The following LAMTOR5 variants were observed in gnomAD, a reference collection of about 807,000 sequenced individuals.
The protein encoded by LAMTOR5 is ragulator complex protein LAMTOR5.
LAMTOR5 carries 8 observed loss-of-function variants against 12.1 expected under a neutral mutation model. The observed-to-expected ratio is 0.66, with a 90% CI of 0.39 to 1.19. The LOEUF is 1.19. LAMTOR5 is among the 50% of genes most tolerant of loss of function. LAMTOR5 has a pLI of 0.01. For missense variants in LAMTOR5, 110 were observed against 112.8 expected, an observed-to-expected ratio of 0.97 and a Z score of 0.11; for synonymous variants, 37 against 41.9, an observed-to-expected ratio of 0.88 and a Z score of 0.45.
intron 3 of LAMTOR5, among the ~76,000 whole-genome samples, chr1:110,402,923 G>T (rs189769691): frequency 2.0e-5 from 3 of 152,312 alleles, no homozygotes; most frequent in African/African-American, 7.2e-5. Context: ...AGTGTTGTAA[G>T]CTCCATTATG....
At chr1:110,403,733 G>C in intron 3 of LAMTOR5, 186 bp downstream of exon 3, 2 of 703,550 alleles carry the variant, frequency 2.8e-6, no homozygotes, top group Admixed American at 7.7e-5. Flanking sequence ...CATTTAAATA[G>C]CATTGTGGCC....
chr1:110,407,861 C>G (rs926581642), upstream of LAMTOR5: 11 of 1,612,666 alleles, frequency 6.8e-6, no homozygotes, highest in Non-Finnish European at 9.3e-6. Flanking sequence ...CTGCACCTGG[C>G]TCCATGGCGG....
chr1:110,402,821 G>A (rs570524927), intron 3 of LAMTOR5, among the ~76,000 whole-genome samples: 2 of 152,074 alleles, frequency 1.3e-5, no homozygotes, highest in Admixed American at 1.3e-4. Context: ...AAGTAAAAAA[G>A]TTTAAAAAAA....
At chr1:110,405,611 G>A (rs1663311847) in intron 2 of LAMTOR5, among the ~76,000 whole-genome samples, 1 of 152,132 alleles carries the variant, frequency 6.6e-6, no homozygotes, top group Non-Finnish European at 1.5e-5. Context: ...GATTACAGGC[G>A]TGAGACACTG....
intron 2 of LAMTOR5, among the ~76,000 whole-genome samples, chr1:110,405,137 G>GT (rs1663302906): frequency 6.6e-6 from 1 of 151,322 alleles, no homozygotes; most frequent in Non-Finnish European, 1.5e-5. Flanking sequence ...CCTCAGGCAA[G>GT]TTATTTAACC....
intron 1 of LAMTOR5, 37 bp from the exon 2 acceptor site, chr1:110,406,416 TG>T: frequency 6.8e-7 from 1 of 1,479,486 alleles, no homozygotes; most frequent in Non-Finnish European, 9.4e-7. Flanking sequence ...AAGTACATAA[TG>T]GGAGAAAAAG....
At chr1:110,406,940 G>A in intron 1 of LAMTOR5, 1 of 553,058 alleles carries the variant, frequency 1.8e-6, no homozygotes. Flanking sequence ...CACAAACACT[G>A]CGTGAAAAAC....
At position 110,401,511 on chromosome 1, in the gene LAMTOR5, C is replaced by A; in HGVS notation, c.*12G>T. On this transcript the variant is annotated 3_prime_UTR_variant, in exon 4 of 4. Coordinates refer to ENST00000602318, the MANE Select transcript of LAMTOR5 (RefSeq NM_001382293.1). ...GTTCCTATGACAGGCTGCTGAAGAA[C>A]AGATATGAGCATCAAGAGGCCATTT... 6.3e-7 allele frequency: 1 copy of A among 1,598,520 alleles called. No individual in the cohort carries two copies.
In LAMTOR5 at chr1:110,407,605, C is replaced by G; in HGVS notation, c.16G>C (p.Glu6Gln). The change falls in exon 1 of 4, where the codon GAG becomes CAG. Residue 6 changes from glutamate to glutamine, a missense_variant. By Grantham distance (29) the Glu-to-Gln change is conservative. Coordinates refer to ENST00000602318, the MANE Select transcript of LAMTOR5 (RefSeq NM_001382293.1). ...ACTCACGTGTCTTCCAAGTGCTGCT[C>G]CAAGGTCGCCTCCATCCCACCCACC... MEATL[E>Q]QHLEDTMKNP... The G allele has an allele frequency of 6.2e-7, 1 of 1,614,130 alleles. No individual in the cohort carries two copies. Among genetic ancestry groups the G allele is most frequent in the Non-Finnish European group, 8.5e-7 (1 of 1,180,020 alleles).
rs1291180333 is a variant in LAMTOR5, at chr1:110,401,653, G to A, written c.216-70C>T. 1.0e-5 allele frequency: 15 copies of A among 1,490,488 alleles called. No individual in the cohort carries two copies. In the South Asian group the frequency reaches 1.8e-4, roughly 18 times the overall value. 92.3% of individuals were successfully genotyped at this position (1,490,488 alleles called of 1,614,324 possible). Reference sequence around the variant, plus strand: ...ACTTCACTGCAAGATTAAAGATGTTGTTTGCTTTAGGATACAATATTTAAA... The same window carrying A: ...ACTTCACTGCAAGATTAAAGATGTTATTTGCTTTAGGATACAATATTTAAA... On this transcript the variant is annotated intron_variant, in intron 3 of 3. Coordinates refer to ENST00000602318, the MANE Select transcript of LAMTOR5 (RefSeq NM_001382293.1).
At chr1:110,407,306 T>A in intron 1 of LAMTOR5, 1 of 588,580 alleles carries the variant, frequency 1.7e-6, no homozygotes, top group Non-Finnish European at 3.0e-6. Context: ...ACCCTGACCG[T>A]AAAGACGATT....
At chr1:110,406,893 A>T (rs1663341831) in intron 1 of LAMTOR5, 1 of 442,788 alleles carries the variant, frequency 2.3e-6, no homozygotes, top group Admixed American at 4.1e-5. Flanking sequence ...CTGATGAGAG[A>T]AAAAAATGTG....
chr1:110,401,670 A>T, intron 3 of LAMTOR5, 87 bp from the exon 4 acceptor site: 2 of 1,335,972 alleles, frequency 1.5e-6, no homozygotes, highest in Non-Finnish European at 2.1e-6. Flanking sequence ...TTAGGATACA[A>T]TATTTAAAAT....
At chr1:110,407,824 T>TCC (rs1375140502), upstream of LAMTOR5, 5 of 1,613,690 alleles carry the variant, frequency 3.1e-6, no homozygotes, top group Non-Finnish European at 4.2e-6. Context: ...AGGCTTGGGC[T>TCC]CCCCGCGCGG....
chr1:110,402,452 G>C (rs1481018329), intron 3 of LAMTOR5, among the ~76,000 whole-genome samples: 1 of 152,054 alleles, frequency 6.6e-6, no homozygotes, highest in Non-Finnish European at 1.5e-5. Context: ...TCACCATGTT[G>C]GTTAGGCTGT....
chr1:110,407,657 C>A lies in LAMTOR5; in HGVS notation c.-37G>T. 1 of 1,614,148 alleles carries A rather than the reference C, an allele frequency of 6.2e-7. No homozygotes were observed. The highest frequency in any genetic ancestry group is 1.3e-5 in the African/African-American group (1 of 74,996). On this transcript the variant is annotated 5_prime_UTR_variant, in exon 1 of 4. Transcript: ENST00000602318. ...ACCACTCCGGCTCAGAACCCAGCGGCACGGCACGTCCTTCTCCACCACAGG... is the reference window on the plus strand; with the variant it reads ...ACCACTCCGGCTCAGAACCCAGCGGAACGGCACGTCCTTCTCCACCACAGG...
chr1:110,403,193 C>T (rs2101108750), intron 3 of LAMTOR5, among the ~76,000 whole-genome samples: 1 of 151,874 alleles, frequency 6.6e-6, no homozygotes, highest in South Asian at 2.1e-4. Context: ...TTAAGCAATG[C>T]ATGACTGTAT....
intron 1 of LAMTOR5, chr1:110,407,344 C>T (rs1663354180): frequency 5.0e-6 from 3 of 603,910 alleles, no homozygotes; most frequent in South Asian, 4.2e-5. Context: ...AGTTTTGGCC[C>T]GTGGCCTGGG....
intron 3 of LAMTOR5, chr1:110,403,538 G>A (rs897002830): frequency 1.9e-5 from 3 of 159,530 alleles, no homozygotes; most frequent in East Asian, 3.7e-4. Context: ...GCTTGAGCCC[G>A]GTGGGGTTGA....
Sources: gnomAD v4.1 joint callset for allele counts (sites outside exome capture counted in the v4.1 genomes callset) on GRCh38, gnomAD v4.1.1 for gene constraint, MANE v1.5 for transcripts, NCBI Gene and HGNC (gene_info 2026-07-23, HGNC 2026-07-21) for gene names.